The following ACAA2 variants were observed in gnomAD, a reference collection of about 807,000 sequenced individuals.
The protein encoded by ACAA2 is 3-ketoacyl-CoA thiolase, mitochondrial.
A neutral mutation model predicts 44.8 loss-of-function variants in ACAA2; 35 were observed. That is an observed-to-expected ratio of 0.78 (90% CI 0.60 to 1.04). ACAA2 has a LOEUF of 1.04. Ranked by LOEUF, ACAA2 falls within the 50% of genes least tolerant of loss-of-function variation. ACAA2 has a pLI of 0.00. For synonymous variants in ACAA2, 142 were observed against 166.5 expected (o/e 0.85, Z 1.13); for missense variants, 468 against 482.6 (o/e 0.97, Z 0.28).
intron 2 of ACAA2, among the ~76,000 whole-genome samples, chr18:49,801,475 G>T (rs2023546923): frequency 6.6e-6 from 1 of 152,088 alleles, no homozygotes; most frequent in African/African-American, 2.4e-5. Flanking sequence ...TGCCTTCTTA[G>T]GTCAGAGGTA....
Position 49,783,910 on chromosome 18 carries a change from G to A in ACAA2, c.1131C>T (p.Ala377=), listed in dbSNP as rs141787998. 1.5e-4 allele frequency: 238 copies of A among 1,613,902 alleles called. No homozygotes were observed. Among genetic ancestry groups the A allele is most frequent in the Admixed American group, 3.0e-4 (18 of 60,002 alleles). Residue 377 remains alanine (A), a synonymous_variant, in exon 10 of 10, where the codon GCC becomes GCT. Coordinates refer to ENST00000285093, the MANE Select transcript of ACAA2 (RefSeq NM_006111.3). ...CACCTCCAATGCAAGCTGATCCAAC[G>A]GCATATTTTCCACCTCGACGCCTGA... ...HELRRRGGKY[A]VGSACIGGGQ... is the part of the protein sequence containing the mutation.
intron 4 of ACAA2, among the ~76,000 whole-genome samples, chr18:49,794,877 G>A (rs924789437): frequency 3.3e-5 from 5 of 152,154 alleles, no homozygotes; most frequent in African/African-American, 1.2e-4. Flanking sequence ...TCAGTGACAG[G>A]AATAGCTGGT....
chr18:49,809,138 A>C (rs2023641292), intron 1 of ACAA2, among the ~76,000 whole-genome samples: 1 of 152,184 alleles, frequency 6.6e-6, no homozygotes, highest in South Asian at 2.1e-4. Flanking sequence ...AAGAAGAAAA[A>C]TATGGCTCCT....
In ACAA2 at chr18:49,791,495, T is replaced by G. The variant is rs1462558827; in HGVS notation, c.858A>C (p.Gly286=). The G allele has an allele frequency of 1.2e-6, 2 of 1,612,152 alleles. No individual in the cohort carries two copies. Among genetic ancestry groups the G allele is most frequent in the Admixed American group, 1.7e-5 (1 of 60,016 alleles). Reference sequence around the variant, plus strand: ...CAATACCCATGATAGAGGGATCACATCCAGATACAAAGTAGCCCACAATTC... The same window carrying G: ...CAATACCCATGATAGAGGGATCACAGCCAGATACAAAGTAGCCCACAATTC... ...LARIVGYFVS[G]CDPSIMGIGP... Residue 286 remains glycine (G), a synonymous_variant, in exon 7 of 10, where the codon GGA becomes GGC. Coordinates refer to ENST00000285093, the MANE Select transcript of ACAA2 (RefSeq NM_006111.3).
chr18:49,789,632 T>C (rs1254133121), intron 7 of ACAA2, among the ~76,000 whole-genome samples: 1 of 152,174 alleles, frequency 6.6e-6, no homozygotes, highest in Non-Finnish European at 1.5e-5. Flanking sequence ...AGCCAACCCA[T>C]GTCACATACA....
At chr18:49,788,669 C>T (rs1294403790) in intron 7 of ACAA2, among the ~76,000 whole-genome samples, 4 of 152,288 alleles carry the variant, frequency 2.6e-5, no homozygotes, top group African/African-American at 9.6e-5. Flanking sequence ...GTGACAGACA[C>T]ATAAAAGGTG....
intron 1 of ACAA2, among the ~76,000 whole-genome samples, chr18:49,803,239 A>AAATAAT (rs10639158): frequency 0.27 from 38,276 of 142,128 alleles, 5,237 homozygotes; most frequent in Middle Eastern, 0.31. Flanking sequence ...CTGGTAGTTA[A>AAATAAT]AATAATAATA....
At chr18:49,787,522 C>A (rs1475215104) in intron 7 of ACAA2, among the ~76,000 whole-genome samples, 161 bp from the exon 8 acceptor site, 1 of 151,908 alleles carries the variant, frequency 6.6e-6, no homozygotes, top group East Asian at 1.9e-4. Flanking sequence ...AATGAAGTGA[C>A]CATAAAGAGG....
At chr18:49,796,850 C>G (rs1251526846) in intron 3 of ACAA2, among the ~76,000 whole-genome samples, 1 of 151,996 alleles carries the variant, frequency 6.6e-6, no homozygotes, top group East Asian at 1.9e-4. Context: ...ATAGTTCTTG[C>G]TTCATAGGAT....
chr18:49,803,014 G>A, intron 1 of ACAA2, 161 bp from the exon 2 acceptor site: 1 of 816,814 alleles, frequency 1.2e-6, no homozygotes. Context: ...TGGAAGCAGA[G>A]TCTTAAGGAC....
At chr18:49,787,270 A>AC in intron 8 of ACAA2, 21 bp downstream of exon 8, 1 of 1,428,950 alleles carries the variant, frequency 7.0e-7, no homozygotes, top group Non-Finnish European at 9.2e-7. Flanking sequence ...TAAAAAAAAA[A>AC]AAAAAAAAAA....
intron 1 of ACAA2, among the ~76,000 whole-genome samples, chr18:49,812,125 T>C (rs1458281268): frequency 6.6e-6 from 1 of 152,216 alleles, no homozygotes; most frequent in East Asian, 1.9e-4. Context: ...ATGTAGTAAA[T>C]TCAGTCAGGA....
intron 2 of ACAA2, among the ~76,000 whole-genome samples, chr18:49,799,453 G>A (rs1173519569): frequency 2.0e-5 from 3 of 152,234 alleles, no homozygotes; most frequent in Non-Finnish European, 4.4e-5. Context: ...CTAACCGCGA[G>A]TGATCCGCCA....
Position 49,802,837 on chromosome 18 carries a change from A to G in ACAA2, c.33T>C (p.Ala11=). The G allele has an allele frequency of 6.2e-7, 1 of 1,614,130 alleles. No homozygotes were observed. ...AAGCTCCAAAGGGCGTTCGCTTAGC[A>G]GCAACTACAAACACACCTATTGCAA... MALLRGVFVV[A]AKRTPFGAYG... is the part of the protein sequence containing the mutation. The change falls in exon 2 of 10, where the codon GCT becomes GCC. Residue 11 remains alanine, a synonymous_variant. Coordinates refer to ENST00000285093, the MANE Select transcript of ACAA2 (RefSeq NM_006111.3).
At chr18:49,790,110 G>C (rs1033546051) in intron 7 of ACAA2, among the ~76,000 whole-genome samples, 1 of 152,138 alleles carries the variant, frequency 6.6e-6, no homozygotes, top group African/African-American at 2.4e-5. Flanking sequence ...AACAACATAC[G>C]GATGTTTAAT....
At chr18:49,798,361 G>A (rs1232385217) in intron 2 of ACAA2, among the ~76,000 whole-genome samples, 2 of 152,198 alleles carry the variant, frequency 1.3e-5, no homozygotes, top group South Asian at 2.1e-4. Flanking sequence ...ATAATAAAAT[G>A]TAAGTTCTGA....
At chr18:49,793,604 ATTACTTCAAGCAT>A (rs1279268632) in intron 5 of ACAA2, among the ~76,000 whole-genome samples, 1 of 152,232 alleles carries the variant, frequency 6.6e-6, no homozygotes, top group Admixed American at 6.5e-5. Context: ...CTTTATCCTC[ATTACTTCAAGCAT>A]TTAATATTCC....
intron 2 of ACAA2, 45 bp from the exon 3 acceptor site, chr18:49,797,639 A>T: frequency 6.7e-7 from 1 of 1,492,858 alleles, no homozygotes; most frequent in Non-Finnish European, 9.1e-7. Flanking sequence ...CTATAAATCT[A>T]CTAATTAAGA....
intron 1 of ACAA2, among the ~76,000 whole-genome samples, chr18:49,809,366 C>T (rs182935215): frequency 3.9e-4 from 60 of 152,270 alleles, no homozygotes; most frequent in South Asian, 1.5e-3. Context: ...GTAAGACAGG[C>T]GTTAAGAGTA....
Sources: gnomAD v4.1 joint callset for allele counts (sites outside exome capture counted in the v4.1 genomes callset) on GRCh38, gnomAD v4.1.1 for gene constraint, MANE v1.5 for transcripts, NCBI Gene and HGNC (gene_info 2026-07-23, HGNC 2026-07-21) for gene names.